Variants in FER1L6 observed in about 807,000 individuals in gnomAD.
FER1L6 encodes fer-1 like family member 6.
In FER1L6, 177 loss-of-function variants were observed where a neutral mutation model predicts 219.2. That is an observed-to-expected ratio of 0.81 (90% CI 0.71 to 0.91). FER1L6 has a LOEUF of 0.91. Ranked by LOEUF, FER1L6 falls within the 40% of genes least tolerant of loss-of-function variation. The pLI is 0.00. For missense variants in FER1L6, 2,153 were observed against 2,259.9 expected, an observed-to-expected ratio of 0.95 and a Z score of 0.96; for synonymous variants, 768 against 824.3, an observed-to-expected ratio of 0.93 and a Z score of 1.17.
chr8:123,908,230 G>A (rs755335551), intron 1 of FER1L6, among the ~76,000 whole-genome samples: 1 of 152,206 alleles, frequency 6.6e-6, no homozygotes, highest in Non-Finnish European at 1.5e-5. Flanking sequence ...ACACGTATTA[G>A]TTGAGGAAAT....
At chr8:123,912,711 T>A (rs578177962) in intron 1 of FER1L6, among the ~76,000 whole-genome samples, 1 of 152,298 alleles carries the variant, frequency 6.6e-6, no homozygotes, top group East Asian at 1.9e-4. Context: ...AGAGTCTTGA[T>A]TCAAGCCACA....
intron 39 of FER1L6, among the ~76,000 whole-genome samples, chr8:124,114,590 C>T (rs1202780779): frequency 6.6e-6 from 1 of 151,772 alleles, no homozygotes; most frequent in Non-Finnish European, 1.5e-5. Context: ...CTCAGTGGGG[C>T]AAATAGGACA....
chr8:123,866,912 C>G (rs1816847943), intron 1 of FER1L6, among the ~76,000 whole-genome samples: 1 of 152,168 alleles, frequency 6.6e-6, no homozygotes, highest in Non-Finnish European at 1.5e-5. Context: ...AGCTACCACG[C>G]CTGACCAGGT....
intron 1 of FER1L6, among the ~76,000 whole-genome samples, chr8:123,870,579 T>C (rs1028138180): frequency 1.3e-5 from 2 of 152,240 alleles, no homozygotes; most frequent in African/African-American, 4.8e-5. Flanking sequence ...AGTATGATTC[T>C]ATTTGTGTAA....
intron 39 of FER1L6, among the ~76,000 whole-genome samples, 183 bp downstream of exon 39, chr8:124,103,492 A>C (rs139490796): frequency 5.4e-4 from 83 of 152,344 alleles, no homozygotes; most frequent in African/African-American, 1.9e-3. Context: ...TTAGCTATCT[A>C]TGTTGAGGTG....
At chr8:123,952,519 C>T (rs1377798929) in intron 1 of FER1L6, among the ~76,000 whole-genome samples, 2 of 152,156 alleles carry the variant, frequency 1.3e-5, no homozygotes, top group Non-Finnish European at 2.9e-5. Flanking sequence ...GGGGATGACC[C>T]TGGGAGGATA....
chr8:124,091,063 T>C (rs1296641928), intron 33 of FER1L6, among the ~76,000 whole-genome samples: 2 of 152,184 alleles, frequency 1.3e-5, no homozygotes. Context: ...TTTGGGATGA[T>C]GAAACTTTTT....
At position 123,942,617 on chromosome 8, in the gene FER1L6, C is replaced by T. The variant is rs201214937; in HGVS notation, c.-7-13375C>T. Among the ~76,000 whole-genome samples, 20 of 152,256 alleles carry T rather than the reference C, an allele frequency of 1.3e-4. 1 individual carries two copies. In the East Asian group the frequency reaches 3.9e-3, roughly 29 times the overall value. On this transcript the variant is annotated intron_variant, in intron 1 of 40. Transcript: ENST00000522917. ...TCCTTTGTTCCTTGTCTTGTGACTG[C>T]ATCACTCTAATCTCTGCCTCCATCT...
At chr8:123,960,594 A>G (rs989849624) in intron 2 of FER1L6, among the ~76,000 whole-genome samples, 6 of 152,194 alleles carry the variant, frequency 3.9e-5, no homozygotes, top group Admixed American at 3.3e-4. Flanking sequence ...TATGGAGGCC[A>G]AATGCTGGAA....
intron 20 of FER1L6, chr8:124,040,791 CA>C (rs1291861822): frequency 6.6e-6 from 1 of 152,218 alleles, no homozygotes; most frequent in Non-Finnish European, 1.5e-5. Context: ...CTGAAGCCAC[CA>C]GTTCCCCTCC....
At chr8:124,054,640 A>G (rs1240797252) in intron 22 of FER1L6, among the ~76,000 whole-genome samples, 2 of 152,222 alleles carry the variant, frequency 1.3e-5, no homozygotes, top group Non-Finnish European at 2.9e-5. Flanking sequence ...TAACTGGGCA[A>G]CCATGCAACT....
rs114033298 is a variant in FER1L6 at position 123,959,653 on chromosome 8, T to C, written c.76+3579T>C. Among the ~76,000 whole-genome samples, 218 of 152,254 alleles carry C rather than the reference T, an allele frequency of 1.4e-3. 1 individual carries two copies. Among genetic ancestry groups the C allele is most frequent in the African/African-American group, 5.0e-3 (207 of 41,542 alleles). On this transcript the variant is annotated intron_variant, in intron 2 of 40. Transcript: ENST00000522917. ...GTTGTGTGTGGTTTGCTGTTTAAAA[T>C]CAGCGAACCAAAATGCACCAAAGCT...
intron 18 of FER1L6, among the ~76,000 whole-genome samples, chr8:124,032,973 G>A (rs1291672496): frequency 6.6e-6 from 1 of 152,170 alleles, no homozygotes; most frequent in East Asian, 1.9e-4. Flanking sequence ...CAATCCATGT[G>A]CTCACAGCAG....
chr8:124,112,915 A>T (rs1223614340), intron 39 of FER1L6, among the ~76,000 whole-genome samples: 1 of 152,190 alleles, frequency 6.6e-6, no homozygotes, highest in Non-Finnish European at 1.5e-5. Context: ...AAATTTGAAA[A>T]GCACAAAAAG....
rs1816528677 is a variant in FER1L6 at position 123,852,471 on chromosome 8, C to CAT, written c.-8+286_-8+287insAT. Among the ~76,000 whole-genome samples, 1 of 139,950 alleles carries CAT rather than the reference C, an allele frequency of 7.1e-6. No individual in the cohort carries two copies. The highest frequency in any genetic ancestry group is 2.7e-5 in the African/African-American group (1 of 36,784). The allele number at this position is 139,950 out of a possible 152,430, so 91.8% of individuals were successfully genotyped here. ...GCTTGAACTCCATGTTGTGAGCATG[C>CAT]GTGTGTGTGTGTGTGTGTGTGTGTG... is the stretch of plus-strand genomic sequence containing the variant. On this transcript the variant is annotated intron_variant, in intron 1 of 40. Coordinates refer to ENST00000522917, the MANE Select transcript of FER1L6 (RefSeq NM_001039112.2). The surrounding 1 kb of genome is among the most constrained non-coding windows in gnomAD (Gnocchi z 4.9).
intron 12 of FER1L6, among the ~76,000 whole-genome samples, chr8:123,996,999 G>A (rs961900529): frequency 6.6e-6 from 1 of 152,002 alleles, no homozygotes; most frequent in African/African-American, 2.4e-5. Context: ...GTTTTTGATA[G>A]GTTCGTCTTT....
intron 1 of FER1L6, among the ~76,000 whole-genome samples, chr8:123,898,339 G>A (rs1176764563): frequency 6.6e-6 from 1 of 151,978 alleles, no homozygotes. Flanking sequence ...TTGGTTACAT[G>A]AGTAAGTTCT....
chr8:124,064,544 C>A lies in FER1L6; in HGVS notation c.3526C>A (p.Gln1176Lys). Residue 1176 changes from glutamine (Q) to lysine (K), a missense_variant, in exon 26 of 41, where the codon CAG becomes AAG. Transcript: ENST00000522917. ...GGAGCCTGAACACACACCTGTAGCCCAGGAGCCACCAAAAGATGGAAAACC... is the reference window on the plus strand; with the variant it reads ...GGAGCCTGAACACACACCTGTAGCCAAGGAGCCACCAAAAGATGGAAAACC... ...MLEPEHTPVA[Q>K]EPPKDGKPKD... The A allele has an allele frequency of 6.2e-7, 1 of 1,610,110 alleles. No homozygotes were observed. Among genetic ancestry groups the A allele is most frequent in the East Asian group, 2.2e-5 (1 of 44,868 alleles).
chr8:124,064,544 C>G lies in FER1L6; in HGVS notation c.3526C>G (p.Gln1176Glu). The G allele has an allele frequency of 6.2e-7, 1 of 1,610,110 alleles. No homozygotes were observed. Among genetic ancestry groups the G allele is most frequent in the Non-Finnish European group, 8.5e-7 (1 of 1,179,072 alleles). Residue 1176 changes from glutamine (Q) to glutamate (E), a missense_variant, in exon 26 of 41, where the codon CAG becomes GAG. By Grantham distance (29) the Gln-to-Glu change is conservative (BLOSUM62 2). Transcript: ENST00000522917. ...GGAGCCTGAACACACACCTGTAGCC[C>G]AGGAGCCACCAAAAGATGGAAAACC... ...MLEPEHTPVA[Q>E]EPPKDGKPKD...
Sources: allele counts gnomAD v4.1 joint callset (sites outside exome capture counted in the v4.1 genomes callset), GRCh38; gene constraint gnomAD v4.1.1; non-coding constraint Gnocchi (gnomAD v3.1); transcripts MANE v1.5; gene names NCBI Gene and HGNC (gene_info 2026-07-23, HGNC 2026-07-21).